SPDYE3: variants seen among roughly 807,000 people sequenced by gnomAD.
SPDYE3 encodes speedy/RINGO cell cycle regulator family member E3, also known as speedy protein E3.
A neutral mutation model predicts 55.0 loss-of-function variants in SPDYE3; 15 were observed. The ratio of observed to expected loss-of-function variants is 0.27; its 90% CI spans 0.18 to 0.42. The LOEUF (loss-of-function observed/expected upper bound fraction) is 0.42. Ranked by LOEUF, SPDYE3 falls within the 10% of genes least tolerant of loss-of-function variation. The pLI is 1.00. For synonymous variants in SPDYE3, 89 were observed against 229.9 expected (o/e 0.39, Z 5.55); for missense variants, 236 against 576.7 (o/e 0.41, Z 6.05).
At position 100,321,727 on chromosome 7, in the gene SPDYE3, T is replaced by C. The variant is rs997066966; in HGVS notation, c.*882T>C. On this transcript the variant is annotated 3_prime_UTR_variant, in exon 11 of 11. Coordinates refer to ENST00000332397, the MANE Select transcript of SPDYE3 (RefSeq NM_001004351.5). ...GTTGTGATTTTTAACATGTCTTAGATATATATACTAACATGTCTAATATAT... is the reference window on the plus strand; with the variant it reads ...GTTGTGATTTTTAACATGTCTTAGACATATATACTAACATGTCTAATATAT... The C allele has an allele frequency of 6.6e-6, 1 of 150,846 alleles. No homozygotes were observed. The highest frequency in any genetic ancestry group is 2.4e-5 in the African/African-American group (1 of 41,264). 9.3% of individuals were successfully genotyped at this position (150,846 alleles called of 1,614,324 possible). A position where few individuals can be genotyped will look rare whatever the true frequency, so the allele number is the denominator to read the frequency against.
At chr7:100,318,379 T>A (rs1488956145) in intron 8 of SPDYE3, among the ~76,000 whole-genome samples, 2 of 152,138 alleles carry the variant, frequency 1.3e-5, no homozygotes, top group Admixed American at 6.5e-5. Flanking sequence ...CCACCCTCTC[T>A]ACAATCTCTA....
intron 8 of SPDYE3, among the ~76,000 whole-genome samples, chr7:100,317,458 A>G (rs750260877): frequency 6.6e-6 from 1 of 152,120 alleles, no homozygotes; most frequent in South Asian, 2.1e-4. Context: ...TAGAAAAATC[A>G]GTCGGGCATG....
rs566613783 is a variant in SPDYE3, at chr7:100,315,321, A to G, written c.1202-464A>G. On this transcript the variant is annotated intron_variant, in intron 6 of 10. Transcript: ENST00000332397. ...AAATAAAAATAAAAATCAAACAAAG[A>G]AAAACAAAATCAAAAATCAAAAAAG... Among the ~76,000 whole-genome samples, 175 of 152,284 alleles carry G rather than the reference A, an allele frequency of 1.1e-3. 2 individuals carry two copies. Among genetic ancestry groups the G allele is most frequent in the Admixed American group, 1.8e-3 (27 of 15,294 alleles).
chr7:100,320,888 C>G lies in SPDYE3; in HGVS notation c.*46-3C>G. On this transcript the variant is annotated splice_region_variant and splice_polypyrimidine_tract_variant and intron_variant, in intron 10 of 10. Coordinates refer to ENST00000332397, the MANE Select transcript of SPDYE3 (RefSeq NM_001004351.5). ...GGTGTGACATTGTCTCTCTCACTTC[C>G]AGAACACCGGACCCAGGGGAGATGT... 4 of 1,227,530 alleles carry G rather than the reference C, an allele frequency of 3.3e-6. No homozygotes were observed. The highest frequency in any genetic ancestry group is 4.4e-6 in the Non-Finnish European group (4 of 911,638). The allele number at this position is 1,227,530 out of a possible 1,614,324, so 76.0% of individuals were successfully genotyped here.
At chr7:100,320,186 G>A (rs1789546842) in intron 10 of SPDYE3, 151 bp downstream of exon 10, 7 of 1,443,012 alleles carry the variant, frequency 4.9e-6, no homozygotes, top group African/African-American at 1.4e-5. Context: ...GGCGATGTGG[G>A]AGGCATCTCT....
In SPDYE3 at chr7:100,321,821, TTAAA is replaced by T. The variant is rs927841699; in HGVS notation, c.*979_*982del. On this transcript the variant is annotated 3_prime_UTR_variant, in exon 11 of 11. Transcript: ENST00000332397. ...ATTATTTAAATATTATTTTATTTAT[TTAAA>T]TATTTATTAAATATATTTATTTATT... is the stretch of plus-strand genomic sequence containing the variant. 2.8e-5 allele frequency: 4 copies of T among 145,214 alleles called. No homozygotes were observed. The highest frequency in any genetic ancestry group is 6.8e-5 in the Admixed American group (1 of 14,628). The allele number at this position is 145,214 out of a possible 1,614,324, so 9.0% of individuals were successfully genotyped here. A position where few individuals can be genotyped will look rare whatever the true frequency, so the allele number is the denominator to read the frequency against.
chr7:100,317,182 T>G, intron 8 of SPDYE3, 27 bp downstream of exon 8: 2 of 1,611,214 alleles, frequency 1.2e-6, no homozygotes, highest in East Asian at 4.5e-5. Context: ...CTCCTATCCA[T>G]CAATATCCAA....
In SPDYE3 at chr7:100,310,061, A is replaced by G. The variant is rs1451591150; in HGVS notation, c.326-299A>G. On this transcript the variant is annotated intron_variant, in intron 2 of 10. Transcript: ENST00000332397. ...CAGTCAGCTGAGATTGCACCACTACACTCCAGCCTGGGTGACAAAGCAAGA... is the reference window on the plus strand; with the variant it reads ...CAGTCAGCTGAGATTGCACCACTACGCTCCAGCCTGGGTGACAAAGCAAGA... Among the ~76,000 whole-genome samples the G allele has an allele frequency of 2.2e-5, 3 of 138,148 alleles. No individual in the cohort carries two copies. The East Asian group carries it at 5.9e-4, about 27-fold the overall frequency. The allele number at this position is 138,148 out of a possible 152,430, so 90.6% of individuals were successfully genotyped here.
In SPDYE3 at chr7:100,314,556, C is replaced by G. The variant is rs185181307; in HGVS notation, c.1007C>G (p.Pro336Arg). The change falls in exon 6 of 11, where the codon CCG becomes CGG. Residue 336 changes from proline (P) to arginine (R), a missense_variant. Pro to Arg is a moderately radical substitution (Grantham distance 103, BLOSUM62 -2). Coordinates refer to ENST00000332397, the MANE Select transcript of SPDYE3 (RefSeq NM_001004351.5). Reference sequence around the variant, plus strand: ...GCCCCTGGGGTAGATCCCAGCCCCCCGCGTAGGTCCCTTGGCTGCAAAAGG... The same window carrying G: ...GCCCCTGGGGTAGATCCCAGCCCCCGGCGTAGGTCCCTTGGCTGCAAAAGG... The part of the protein sequence containing the change: ...LLAPGVDPSP[P>R]RRSLGCKRKR... 2,619 of 1,388,034 alleles carry G rather than the reference C, an allele frequency of 1.9e-3. 699 individuals carry two copies. The highest frequency in any genetic ancestry group is 2.4e-3 in the Non-Finnish European group (2,443 of 1,016,550). 86.0% of individuals were successfully genotyped at this position (1,388,034 alleles called of 1,614,324 possible).
At chr7:100,313,939 A>G (rs1046038827) in intron 5 of SPDYE3, among the ~76,000 whole-genome samples, 1 of 60,612 alleles carries the variant, frequency 1.6e-5, no homozygotes, top group Non-Finnish European at 3.3e-5. Flanking sequence ...GTCAGAGGTC[A>G]GGAAGGAGAA....
intron 1 of SPDYE3, among the ~76,000 whole-genome samples, chr7:100,308,765 C>T (rs996385921): frequency 2.0e-5 from 3 of 147,654 alleles, no homozygotes; most frequent in Admixed American, 6.8e-5. Flanking sequence ...AACGATATGA[C>T]GCAGTGTTCT....
intron 2 of SPDYE3, among the ~76,000 whole-genome samples, chr7:100,309,469 A>G (rs1009093801): frequency 7.3e-6 from 1 of 136,610 alleles, no homozygotes; most frequent in Admixed American, 7.3e-5. Flanking sequence ...CTGAGGCAAG[A>G]GGATTGCTTG....
intron 3 of SPDYE3, among the ~76,000 whole-genome samples, chr7:100,311,449 A>G (rs1805953549): frequency 7.5e-6 from 1 of 132,800 alleles, no homozygotes; most frequent in Non-Finnish European, 1.6e-5. Flanking sequence ...TTGCACCACT[A>G]CACTCCAGCC....
chr7:100,317,781 T>C (rs1346578567), intron 8 of SPDYE3, among the ~76,000 whole-genome samples: 3 of 148,360 alleles, frequency 2.0e-5, no homozygotes, highest in Non-Finnish European at 3.0e-5. Flanking sequence ...CTGGCTAACA[T>C]GGTGAAACCC....
rs1480659221 is a variant in SPDYE3, at chr7:100,313,042, G to A, written c.764-98G>A. The stretch of plus-strand genomic sequence containing the variant: ...TGGCTTGGAGAAGCCAGCAGTCTGC[G>A]AGGCTGGGGAGGATGGAGAGTGGTT... On this transcript the variant is annotated intron_variant, in intron 4 of 10. Coordinates refer to ENST00000332397, the MANE Select transcript of SPDYE3 (RefSeq NM_001004351.5). 48 of 544,786 alleles carry A rather than the reference G, an allele frequency of 8.8e-5. 5 individuals carry two copies. Among genetic ancestry groups the A allele is most frequent in the Admixed American group, 6.7e-4 (21 of 31,510 alleles). 33.7% of individuals were successfully genotyped at this position (544,786 alleles called of 1,614,324 possible).
At chr7:100,316,606 T>C (rs1806111386) in intron 7 of SPDYE3, among the ~76,000 whole-genome samples, 1 of 152,200 alleles carries the variant, frequency 6.6e-6, no homozygotes, top group African/African-American at 2.4e-5. Flanking sequence ...TGTCTTTTTA[T>C]GATTTGTCAG....
chr7:100,320,853 G>A lies in SPDYE3; in HGVS notation c.*46-38G>A, dbSNP rs1375449910. ...GAATAACCTTCCTGTCTAGAGAGCT[G>A]TCTCCTTGAGGTGTGACATTGTCTC... On this transcript the variant is annotated intron_variant, in intron 10 of 10. Coordinates refer to ENST00000332397, the MANE Select transcript of SPDYE3 (RefSeq NM_001004351.5). The A allele has an allele frequency of 4.2e-6, 5 of 1,192,578 alleles. No individual in the cohort carries two copies. The East Asian group carries it at 1.9e-4, about 45-fold the overall frequency. The allele number at this position is 1,192,578 out of a possible 1,614,324, so 73.9% of individuals were successfully genotyped here. A position where few individuals can be genotyped will look rare whatever the true frequency, so the allele number is the denominator to read the frequency against.
At chr7:100,318,276 A>C (rs1462564729) in intron 8 of SPDYE3, among the ~76,000 whole-genome samples, 1 of 152,232 alleles carries the variant, frequency 6.6e-6, no homozygotes, top group South Asian at 2.1e-4. Context: ...CAGCCTGAAC[A>C]TCTTTCCAAA....
intron 10 of SPDYE3, chr7:100,320,610 G>C (rs1187431797): frequency 3.9e-6 from 4 of 1,020,302 alleles, no homozygotes; most frequent in Non-Finnish European, 4.9e-6. Flanking sequence ...ATTCTCTGAG[G>C]GTGCCCTACT....
Sources: allele counts gnomAD v4.1 joint callset (sites outside exome capture counted in the v4.1 genomes callset), GRCh38; gene constraint gnomAD v4.1.1; transcripts MANE v1.5; gene names NCBI Gene and HGNC (gene_info 2026-07-23, HGNC 2026-07-21).